The following ELOVL4 variants were observed in gnomAD, a reference collection of about 807,000 sequenced individuals.
The protein encoded by ELOVL4 is ELOVL fatty acid elongase 4.
A neutral mutation model predicts 42.1 loss-of-function variants in ELOVL4; 18 were observed. The ratio of observed to expected loss-of-function variants is 0.43; its 90% CI spans 0.30 to 0.63. The LOEUF (loss-of-function observed/expected upper bound fraction) is 0.63. ELOVL4 is among the 30% of genes least tolerant of loss of function. ELOVL4 has a pLI of 0.15. For synonymous variants in ELOVL4, 117 were observed against 127.0 expected, an observed-to-expected ratio of 0.92 and a Z score of 0.53; for missense variants, 299 against 376.2, an observed-to-expected ratio of 0.79 and a Z score of 1.70.
intron 2 of ELOVL4, among the ~76,000 whole-genome samples, chr6:79,925,554 A>G (rs1774328981): frequency 1.3e-5 from 2 of 152,196 alleles, no homozygotes; most frequent in African/African-American, 4.8e-5. Context: ...GTCTCTTAGG[A>G]AACAAATTCT....
chr6:79,945,384 C>G (rs1774721649), intron 1 of ELOVL4, among the ~76,000 whole-genome samples: 1 of 152,194 alleles, frequency 6.6e-6, no homozygotes, highest in African/African-American at 2.4e-5. Context: ...CATGCGGCAA[C>G]TGCACAAAAT....
chr6:79,921,765 G>T lies in ELOVL4; in HGVS notation c.401C>A (p.Ser134Tyr), dbSNP rs2127698527. ...TGTGTCCAAATACTCAACTCCTTTAGATACAAAGTACCACCACAGAGCAGC... is the reference window on the plus strand; with the variant it reads ...TGTGTCCAAATACTCAACTCCTTTATATACAAAGTACCACCACAGAGCAGC... ...IAAALWWYFV[S>Y]KGVEYLDTVF... Residue 134 changes from serine to tyrosine, a missense_variant, in exon 4 of 6, where the codon TCT (serine) becomes TAT (tyrosine). Physicochemically the swap from Ser to Tyr is moderately radical, Grantham distance 144. Transcript: ENST00000369816. The T allele has an allele frequency of 6.2e-7, 1 of 1,614,024 alleles. No homozygotes were observed. The highest frequency in any genetic ancestry group is 1.1e-5 in the South Asian group (1 of 91,074).
At chr6:79,928,742 T>TGTTTTG (rs1168607054) in intron 1 of ELOVL4, among the ~76,000 whole-genome samples, 1 of 143,062 alleles carries the variant, frequency 7.0e-6, no homozygotes, top group African/African-American at 2.7e-5. Context: ...TTTTTTTTTT[T>TGTTTTG]TTTTTTTTTT....
chr6:79,931,723 C>T (rs1302613288), intron 1 of ELOVL4, among the ~76,000 whole-genome samples: 1 of 152,074 alleles, frequency 6.6e-6, no homozygotes, highest in South Asian at 2.1e-4. Context: ...GAGAAAGAGG[C>T]CTCAGCAAAT....
At chr6:79,943,013 C>CT (rs1213478317) in intron 1 of ELOVL4, among the ~76,000 whole-genome samples, 109 of 144,166 alleles carry the variant, frequency 7.6e-4, no homozygotes, top group Middle Eastern at 7.2e-3. Flanking sequence ...TTCTTTCTTT[C>CT]TTTTTTTTTT....
chr6:79,936,410 T>C (rs1033353213), intron 1 of ELOVL4, among the ~76,000 whole-genome samples: 1 of 152,180 alleles, frequency 6.6e-6, no homozygotes, highest in African/African-American at 2.4e-5. Context: ...GGTTACCTAT[T>C]AGTATGTCAC....
At chr6:79,932,712 A>G (rs1236361148) in intron 1 of ELOVL4, among the ~76,000 whole-genome samples, 1 of 152,144 alleles carries the variant, frequency 6.6e-6, no homozygotes, top group Admixed American at 6.5e-5. Context: ...CTTTGCAGCA[A>G]AGTGATTTTG....
chr6:79,918,045 G>A (rs1774190431), intron 5 of ELOVL4, among the ~76,000 whole-genome samples: 1 of 152,028 alleles, frequency 6.6e-6, no homozygotes, highest in African/African-American at 2.4e-5. Context: ...ACTGTTGTGG[G>A]AACTTCTGGC....
Position 79,916,770 on chromosome 6 carries a change from G to C in ELOVL4, c.783C>G (p.Leu261=), listed in dbSNP as rs370048400. 1 of 1,614,072 alleles carries C rather than the reference G, an allele frequency of 6.2e-7. No homozygotes were observed. Among genetic ancestry groups the C allele is most frequent in the African/African-American group, 1.3e-5 (1 of 74,920 alleles). Residue 261 remains leucine (L), a synonymous_variant, in exon 6 of 6, where the codon CTC becomes CTG. Coordinates refer to ENST00000369816, the MANE Select transcript of ELOVL4 (RefSeq NM_022726.4). The part of the protein sequence containing the change: ...LIAYAISFIF[L]FLNFYIRTYK... ...ATGTCCGAATGTAGAAGTTAAGAAA[G>C]AGAAATATGAAGCTGATTGCATAGG... is the stretch of plus-strand genomic sequence containing the variant.
At chr6:79,935,797 C>T (rs535648079) in intron 1 of ELOVL4, among the ~76,000 whole-genome samples, 2 of 152,242 alleles carry the variant, frequency 1.3e-5, no homozygotes, top group South Asian at 2.1e-4. Flanking sequence ...ATGTTTAAAA[C>T]TTCTTCTTTT....
intron 1 of ELOVL4, among the ~76,000 whole-genome samples, chr6:79,932,028 C>A (rs145102661): frequency 1.3e-5 from 2 of 152,222 alleles, no homozygotes; most frequent in East Asian, 3.9e-4. Flanking sequence ...TTAACCCTTG[C>A]GGACCCTTAA....
Position 79,926,330 on chromosome 6 carries a change from C to T in ELOVL4, c.152G>A (p.Ser51Asn). 6.2e-7 allele frequency: 1 copy of T among 1,613,970 alleles called. No individual in the cohort carries two copies. Among genetic ancestry groups the T allele is most frequent in the Non-Finnish European group, 8.5e-7 (1 of 1,179,942 alleles). Residue 51 changes from serine to asparagine, a missense_variant, in exon 2 of 6, where the codon AGT (serine) becomes AAT (asparagine). Ser to Asn is a conservative substitution (Grantham distance 46, BLOSUM62 1). Coordinates refer to ENST00000369816, the MANE Select transcript of ELOVL4 (RefSeq NM_022726.4). ...PLMQSPWPTL[S>N]ISTLYLLFVW... is the part of the protein sequence containing the mutation. Reference sequence around the variant, plus strand: ...AAACAGGAGATAAAGAGTGCTTATACTTAGTGTAGGCCAAGGAGACTGCAT... The same window carrying T: ...AAACAGGAGATAAAGAGTGCTTATATTTAGTGTAGGCCAAGGAGACTGCAT...
chr6:79,924,957 C>T lies in ELOVL4; in HGVS notation c.364G>A (p.Val122Ile). 1 of 1,595,766 alleles carries T rather than the reference C, an allele frequency of 6.3e-7. No individual in the cohort carries two copies. The highest frequency in any genetic ancestry group is 8.6e-7 in the Non-Finnish European group (1 of 1,163,410). The change falls in exon 3 of 6, where the codon GTC becomes ATC. Residue 122 changes from valine (V) to isoleucine (I), a missense_variant. Coordinates refer to ENST00000369816, the MANE Select transcript of ELOVL4 (RefSeq NM_022726.4). ...SVDYSNNVHEVRIAAALWWYF... is the reference protein window; with the variant it reads ...SVDYSNNVHEIRIAAALWWYF... ...AGTATTTTTAATGTACTTACCCTGA[C>T]TTCATGAACATTATTAGAATAATCC...
chr6:79,925,051 T>C lies in ELOVL4; in HGVS notation c.289-19A>G, dbSNP rs945483992. 1 of 1,515,892 alleles carries C rather than the reference T, an allele frequency of 6.6e-7. No homozygotes were observed. Among genetic ancestry groups the C allele is most frequent in the Non-Finnish European group, 9.2e-7 (1 of 1,090,946 alleles). 93.9% of individuals were successfully genotyped at this position (1,515,892 alleles called of 1,614,324 possible). On this transcript the variant is annotated intron_variant, in intron 2 of 5. Coordinates refer to ENST00000369816, the MANE Select transcript of ELOVL4 (RefSeq NM_022726.4). The stretch of plus-strand genomic sequence containing the variant: ...TGAATAACTGGAAAAAGAGTAATAA[T>C]ATTTGTAGTAAAGTTTTAGTAAACA...
At chr6:79,941,643 C>T (rs968498213) in intron 1 of ELOVL4, among the ~76,000 whole-genome samples, 6 of 152,126 alleles carry the variant, frequency 3.9e-5, no homozygotes, top group African/African-American at 1.4e-4. Flanking sequence ...GGGCAGATCA[C>T]ATGACACCAG....
intron 1 of ELOVL4, among the ~76,000 whole-genome samples, chr6:79,934,983 T>C (rs1356443683): frequency 6.6e-6 from 1 of 152,242 alleles, no homozygotes; most frequent in East Asian, 1.9e-4. Context: ...AGACATTTTA[T>C]AATTCTGTAT....
At position 79,940,166 on chromosome 6, in the gene ELOVL4, T is replaced by C. The variant is rs188864858; in HGVS notation, c.100+7014A>G. On this transcript the variant is annotated intron_variant, in intron 1 of 5. Coordinates refer to ENST00000369816, the MANE Select transcript of ELOVL4 (RefSeq NM_022726.4). ...AACAGAAAAGCTTGTTTCTTGGAATTCTGCAGTTCAAAATCACAAATGCTT... is the reference window on the plus strand; with the variant it reads ...AACAGAAAAGCTTGTTTCTTGGAATCCTGCAGTTCAAAATCACAAATGCTT... Among the ~76,000 whole-genome samples the C allele has an allele frequency of 1.5e-3, 230 of 152,330 alleles. 1 individual carries two copies. The highest frequency in any genetic ancestry group is 5.4e-3 in the African/African-American group (224 of 41,572).
chr6:79,918,527 T>C (rs1301503895), intron 5 of ELOVL4, among the ~76,000 whole-genome samples: 1 of 152,208 alleles, frequency 6.6e-6, no homozygotes, highest in African/African-American at 2.4e-5. Context: ...TACAAATGAA[T>C]CCTTCGCACC....
At chr6:79,939,717 T>C (rs376542017) in intron 1 of ELOVL4, among the ~76,000 whole-genome samples, 4 of 152,058 alleles carry the variant, frequency 2.6e-5, no homozygotes, top group Admixed American at 6.6e-5. Context: ...GTTGCTCATG[T>C]TGGTCTTGAA....
Sources: allele counts gnomAD v4.1 joint callset (sites outside exome capture counted in the v4.1 genomes callset), GRCh38; gene constraint gnomAD v4.1.1; transcripts MANE v1.5; gene names NCBI Gene and HGNC (gene_info 2026-07-23, HGNC 2026-07-21).